SRGAP3: variants seen among roughly 807,000 people sequenced by gnomAD.
SRGAP3 encodes the protein SLIT-ROBO Rho GTPase-activating protein 3.
In SRGAP3, 39 loss-of-function variants were observed where a neutral mutation model predicts 121.1. The observed-to-expected ratio is 0.32, with a 90% confidence interval of 0.25 to 0.42. The LOEUF (loss-of-function observed/expected upper bound fraction) is 0.42. Among genes scored for constraint, SRGAP3 ranks in the 10% least tolerant of loss-of-function variants. The pLI is 1.00. For synonymous variants in SRGAP3, 601 were observed against 570.0 expected (o/e 1.05, Z -0.77); for missense variants, 1,213 against 1,470.6 (o/e 0.82, Z 2.86).
rs1031135281 is a variant in SRGAP3 at position 9,218,158 on chromosome 3, C to A, written c.67+30727G>T. On this transcript the variant is annotated intron_variant, in intron 1 of 21. Transcript: ENST00000383836. This position sits in a 1 kb window ranked among gnomAD's most constrained non-coding sequence, Gnocchi z 5.3. ...ATTTGGAAGGTTTATTAGCAGACTG[C>A]AGATCCAAAAATGGTCCTCCTCTAT... 30 of 152,150 alleles carry A rather than the reference C, an allele frequency of 2.0e-4. No homozygotes were observed. The highest frequency in any genetic ancestry group is 7.2e-4 in the African/African-American group (30 of 41,420). The allele number at this position is 152,150 out of a possible 1,614,324, so 9.4% of individuals were successfully genotyped here.
chr3:9,342,041 A>G lies in SRGAP3; in HGVS notation n.215-11445T>C, dbSNP rs535942838. Among the ~76,000 whole-genome samples, 8 of 152,250 alleles carry G rather than the reference A, an allele frequency of 5.3e-5. No individual in the cohort carries two copies. In the South Asian group the frequency reaches 6.2e-4, roughly 12 times the overall value. ...AGTAACTTTTGCCGAAGTTTCAATT[A>G]AAAGTCAAATAGGAAAGCTAAAAAT... On this transcript the variant is annotated intron_variant and non_coding_transcript_variant, in intron 1 of 3. Coordinates refer to the SRGAP3 transcript ENST00000490889.
intron 1 of SRGAP3, among the ~76,000 whole-genome samples, chr3:9,198,497 C>T (rs1574853967): frequency 6.6e-6 from 1 of 152,204 alleles, no homozygotes; most frequent in East Asian, 1.9e-4. Context: ...ACCTAGCATT[C>T]AGTAGCCAGT....
At chr3:9,168,119 C>T (rs1459027277) in intron 1 of SRGAP3, among the ~76,000 whole-genome samples, 1 of 152,210 alleles carries the variant, frequency 6.6e-6, no homozygotes, top group Non-Finnish European at 1.5e-5. Context: ...AAGGGTATAA[C>T]TAGCAAGTGG....
intron 1 of SRGAP3, among the ~76,000 whole-genome samples, chr3:9,360,766 T>C (rs1304743907): frequency 2.0e-5 from 3 of 152,174 alleles, no homozygotes; most frequent in African/African-American, 4.8e-5. Flanking sequence ...ATCACCCCCA[T>C]GATTCAATCA....
rs116201810 is a variant in SRGAP3, at chr3:9,355,393, G to T, written n.214+7447C>A. Among the ~76,000 whole-genome samples, 1,333 of 152,306 alleles carry T rather than the reference G, an allele frequency of 8.8e-3. 17 individuals are homozygous for T. Among genetic ancestry groups the T allele is most frequent in the Non-Finnish European group, 0.013 (887 of 68,012 alleles). On this transcript the variant is annotated intron_variant and non_coding_transcript_variant, in intron 1 of 3. Coordinates refer to the SRGAP3 transcript ENST00000490889. ...TGTTCGTTTGTTTTGGTCAGGCACG[G>T]TGATAATTTGTGAGACACTGACTTC...
At chr3:9,154,622 G>A (rs758402860) in intron 1 of SRGAP3, among the ~76,000 whole-genome samples, 1 of 152,198 alleles carries the variant, frequency 6.6e-6, no homozygotes, top group Non-Finnish European at 1.5e-5. Flanking sequence ...AAACCAGAGA[G>A]CCCAAGGAAC....
rs1948550751 is a variant in SRGAP3 at position 9,109,804 on chromosome 3, A to G, written c.261-4962T>C. On this transcript the variant is annotated intron_variant, in intron 2 of 21. Coordinates refer to ENST00000383836, the MANE Select transcript of SRGAP3 (RefSeq NM_014850.4). This position sits in a 1 kb window ranked among gnomAD's most constrained non-coding sequence, Gnocchi z 4.4. ...ACTAAAAGCCGGACTGGAGTTTCAC[A>G]GGGAGGAGCCTTCAAAGGGGAGAAA... Among the ~76,000 whole-genome samples the G allele has an allele frequency of 6.6e-6, 1 of 152,150 alleles. No individual in the cohort carries two copies. The highest frequency in any genetic ancestry group is 6.5e-5 in the Admixed American group (1 of 15,278).
intron 18 of SRGAP3, among the ~76,000 whole-genome samples, chr3:9,009,731 T>TTC (rs956063532): frequency 4.6e-5 from 7 of 150,570 alleles, no homozygotes; most frequent in East Asian, 2.0e-4. Context: ...TGACTGGCCT[T>TTC]TCTCTCTCTC....
intron 1 of SRGAP3, among the ~76,000 whole-genome samples, chr3:9,228,898 T>A (rs1441946235): frequency 6.6e-6 from 1 of 150,616 alleles, no homozygotes; most frequent in Non-Finnish European, 1.5e-5. Context: ...CCGTCTCTAC[T>A]AAAAATACAA....
chr3:9,017,985 A>C (rs1447539429), intron 14 of SRGAP3, among the ~76,000 whole-genome samples: 1 of 152,176 alleles, frequency 6.6e-6, no homozygotes, highest in Non-Finnish European at 1.5e-5. Context: ...TGTACCCACT[A>C]ACCAACCTCT....
Position 9,230,828 on chromosome 3 carries a change from G to C in SRGAP3, c.67+18057C>G, listed in dbSNP as rs534121789. ...TGCGGTGAGTTATGATGGCGCCACT[G>C]CATTCCAGCCTGAGTAAGACCCTAT... On this transcript the variant is annotated intron_variant, in intron 1 of 21. Coordinates refer to ENST00000383836, the MANE Select transcript of SRGAP3 (RefSeq NM_014850.4). Among the ~76,000 whole-genome samples the C allele has an allele frequency of 2.0e-5, 3 of 149,006 alleles. No homozygotes were observed. In the South Asian group the frequency reaches 6.4e-4, roughly 32 times the overall value.
chr3:9,307,892 C>T (rs1338532223), intron 3 of SRGAP3, among the ~76,000 whole-genome samples: 9 of 152,224 alleles, frequency 5.9e-5, no homozygotes, highest in Non-Finnish European at 1.2e-4. Context: ...TGGCAGCTCA[C>T]ACCTGTAATC....
chr3:9,189,910 G>A (rs1951702295), intron 1 of SRGAP3, among the ~76,000 whole-genome samples: 1 of 152,206 alleles, frequency 6.6e-6, no homozygotes, highest in South Asian at 2.1e-4. Context: ...ATGGATCTAA[G>A]AGTACAGTCA....
intron 4 of SRGAP3, among the ~76,000 whole-genome samples, chr3:9,073,176 C>T (rs954830527): frequency 2.4e-4 from 37 of 152,300 alleles, no homozygotes; most frequent in South Asian, 2.1e-4. Flanking sequence ...CGGGGTCTTA[C>T]TCTGTCCCCC....
At chr3:9,283,939 C>T (rs987005792) in intron 3 of SRGAP3, among the ~76,000 whole-genome samples, 1 of 152,130 alleles carries the variant, frequency 6.6e-6, no homozygotes, top group Non-Finnish European at 1.5e-5. Context: ...AATTCATTTG[C>T]CTAACATTTA....
At chr3:9,242,556 A>G (rs1373735822) in intron 1 of SRGAP3, among the ~76,000 whole-genome samples, 2 of 152,024 alleles carry the variant, frequency 1.3e-5, no homozygotes, top group Non-Finnish European at 2.9e-5. Context: ...AATTGCTTGA[A>G]CCCAGAAGGT....
chr3:9,215,123 G>A (rs754279883), intron 1 of SRGAP3, among the ~76,000 whole-genome samples: 2 of 152,186 alleles, frequency 1.3e-5, no homozygotes, highest in African/African-American at 4.8e-5. Context: ...AAAATGAACT[G>A]TATTTCAACA....
chr3:9,283,669 G>A (rs1217210686), intron 3 of SRGAP3, among the ~76,000 whole-genome samples: 4 of 151,784 alleles, frequency 2.6e-5, no homozygotes, highest in Admixed American at 1.3e-4. Context: ...GAGCAATTAC[G>A]GTCTTTGTTA....
At chr3:9,053,889 AGG>A in intron 8 of SRGAP3, among the ~76,000 whole-genome samples, 1 of 152,224 alleles carries the variant, frequency 6.6e-6, no homozygotes, top group Non-Finnish European at 1.5e-5. Context: ...TGTGCCTAAA[AGG>A]CAGATTCTTT....
Sources: gnomAD v4.1 joint callset for allele counts (sites outside exome capture counted in the v4.1 genomes callset) on GRCh38, gnomAD v4.1.1 for gene constraint, Gnocchi (gnomAD v3.1) non-coding constraint, MANE v1.5 for transcripts, NCBI Gene and HGNC (gene_info 2026-07-23, HGNC 2026-07-21) for gene names.